The following TRPM3 variants were observed in gnomAD, a reference collection of about 807,000 sequenced individuals.
TRPM3 encodes the protein transient receptor potential cation channel subfamily M member 3.
In TRPM3, 77 loss-of-function variants were observed where a neutral mutation model predicts 181.2. The ratio of observed to expected loss-of-function variants is 0.42; its 90% CI spans 0.35 to 0.51. The LOEUF (loss-of-function observed/expected upper bound fraction) is 0.51, where lower values mean the gene tolerates loss of function less well. TRPM3 is among the 20% of genes least tolerant of loss of function. The pLI is 0.01. For missense variants in TRPM3, 1,759 were observed against 2,196.7 expected, an observed-to-expected ratio of 0.80 and a Z score of 3.98; for synonymous variants, 745 against 796.4, an observed-to-expected ratio of 0.94 and a Z score of 1.09.
chr9:71,330,922 C>G (rs528209342), intron 1 of TRPM3, among the ~76,000 whole-genome samples: 1 of 151,792 alleles, frequency 6.6e-6, no homozygotes, highest in Non-Finnish European at 1.5e-5. Context: ...GGCCTAGATA[C>G]GTCTCCATTT....
At chr9:70,992,768 G>A (rs1173481434) in intron 1 of TRPM3, among the ~76,000 whole-genome samples, 1 of 152,214 alleles carries the variant, frequency 6.6e-6, no homozygotes, top group African/African-American at 2.4e-5. Context: ...AAATGAGTAA[G>A]TGAATAGGAG....
At chr9:71,223,988 A>C (rs1400161773) in intron 1 of TRPM3, among the ~76,000 whole-genome samples, 1 of 152,190 alleles carries the variant, frequency 6.6e-6, no homozygotes, top group African/African-American at 2.4e-5. Context: ...GAAGAACACA[A>C]ATCTGACTGG....
At chr9:70,833,685 A>G (rs944200203) in intron 5 of TRPM3, among the ~76,000 whole-genome samples, 4 of 152,156 alleles carry the variant, frequency 2.6e-5, no homozygotes, top group African/African-American at 9.7e-5. Flanking sequence ...TGTAGAGGAT[A>G]TTAGGGTTGG....
intron 1 of TRPM3, among the ~76,000 whole-genome samples, chr9:71,398,690 T>C (rs375529334): frequency 1.5e-4 from 23 of 152,224 alleles, no homozygotes; most frequent in Non-Finnish European, 5.9e-5. Context: ...CTTCTGGAAC[T>C]GTGAGTCAAT....
chr9:70,835,030 C>T (rs118150369), intron 5 of TRPM3, among the ~76,000 whole-genome samples: 3,355 of 152,266 alleles, frequency 0.022, 124 homozygotes, highest in Admixed American at 0.1. Flanking sequence ...TTAGGGAGCT[C>T]TTGCTCTGTC....
intron 20 of TRPM3, among the ~76,000 whole-genome samples, chr9:70,602,106 C>CGTTTTTTTTT (rs778037711): frequency 1.6e-5 from 2 of 128,204 alleles, no homozygotes; most frequent in African/African-American, 2.9e-5. Flanking sequence ...CAAGGCATTC[C>CGTTTTTTTTT]TTTTTTTTTT....
intron 1 of TRPM3, among the ~76,000 whole-genome samples, chr9:70,983,186 A>G (rs1158469413): frequency 4.6e-5 from 7 of 152,096 alleles, no homozygotes; most frequent in Admixed American, 3.9e-4. Flanking sequence ...TCTTCTCTTG[A>G]TGTTCATGGC....
chr9:70,876,642 C>T (rs1177805197), intron 1 of TRPM3, among the ~76,000 whole-genome samples: 1 of 151,728 alleles, frequency 6.6e-6, no homozygotes, highest in East Asian at 1.9e-4. Flanking sequence ...TCTGTTTTCC[C>T]ACCATCTCAC....
At chr9:71,337,508 G>A (rs2090643865) in intron 1 of TRPM3, among the ~76,000 whole-genome samples, 1 of 152,118 alleles carries the variant, frequency 6.6e-6, no homozygotes, top group Non-Finnish European at 1.5e-5. Flanking sequence ...CATTGTGGAA[G>A]ACAAAAGTGT....
At chr9:70,764,151 A>C (rs771884388) in intron 7 of TRPM3, among the ~76,000 whole-genome samples, 1 of 152,190 alleles carries the variant, frequency 6.6e-6, no homozygotes, top group African/African-American at 2.4e-5. Context: ...AGCCATTGAA[A>C]GATTTAAGCA....
intron 1 of TRPM3, among the ~76,000 whole-genome samples, chr9:71,421,008 A>G (rs981241652): frequency 2.0e-5 from 3 of 147,474 alleles, no homozygotes; most frequent in Admixed American, 6.7e-5. Context: ...AAAGAGAGAA[A>G]AAGAGAGAAA....
At chr9:70,879,131 G>A (rs2095932149) in intron 1 of TRPM3, among the ~76,000 whole-genome samples, 1 of 152,046 alleles carries the variant, frequency 6.6e-6, no homozygotes, top group Non-Finnish European at 1.5e-5. Context: ...TTAAGCTACT[G>A]GTTCAATGTG....
At chr9:70,674,638 C>A (rs1409787288) in intron 9 of TRPM3, among the ~76,000 whole-genome samples, 1 of 151,678 alleles carries the variant, frequency 6.6e-6, no homozygotes, top group Non-Finnish European at 1.5e-5. Flanking sequence ...TGGCTTACTG[C>A]AGCCTTGACC....
chr9:71,155,814 T>G (rs1428566704), intron 1 of TRPM3, among the ~76,000 whole-genome samples: 2 of 152,132 alleles, frequency 1.3e-5, no homozygotes, highest in African/African-American at 4.8e-5. Flanking sequence ...AAAAGGAATG[T>G]AATCAAAAAT....
intron 1 of TRPM3, among the ~76,000 whole-genome samples, chr9:71,080,203 T>TAAATAAATAAATAAATTAAATA (rs1483714998): frequency 2.7e-5 from 4 of 149,940 alleles, no homozygotes; most frequent in African/African-American, 9.8e-5. Flanking sequence ...AATAAATAAA[T>TAAATAAATAAATAAATTAAATA]AAATAAAATA....
chr9:70,654,878 T>A (rs1038117009), intron 9 of TRPM3, among the ~76,000 whole-genome samples: 1 of 150,332 alleles, frequency 6.7e-6, no homozygotes, highest in African/African-American at 2.4e-5. Flanking sequence ...AGAGATGGGG[T>A]TTCACTGTGT....
intron 5 of TRPM3, among the ~76,000 whole-genome samples, chr9:70,831,985 A>ATATATATTTATATATATATATATT (rs1564497569): frequency 1.1e-4 from 14 of 128,640 alleles, no homozygotes; most frequent in African/African-American, 2.6e-4. Flanking sequence ...ATATATATAT[A>ATATATATTTATATATATATATATT]TATATATATA....
chr9:71,121,714 G>T (rs547865990), upstream of TRPM3: 35 of 862,060 alleles, frequency 4.1e-5, 1 homozygote, highest in African/African-American at 4.6e-4. Flanking sequence ...GTTTGGGGGG[G>T]AGCCAGGAGG....
At chr9:71,313,832 G>A (rs2088260408) in intron 1 of TRPM3, among the ~76,000 whole-genome samples, 1 of 151,950 alleles carries the variant, frequency 6.6e-6, no homozygotes, top group South Asian at 2.1e-4. Context: ...TCATTTTTCT[G>A]GTTGTAAATA....
Sources: allele counts gnomAD v4.1 joint callset (sites outside exome capture counted in the v4.1 genomes callset), GRCh38; gene constraint gnomAD v4.1.1; transcripts MANE v1.5; gene names NCBI Gene and HGNC (gene_info 2026-07-23, HGNC 2026-07-21).